Variants in PCCA observed in about 807,000 individuals in gnomAD.
PCCA encodes the protein propionyl-CoA carboxylase subunit alpha, also known as propionyl-CoA carboxylase alpha chain, mitochondrial.
Under a neutral mutation model 101.3 loss-of-function variants are expected in PCCA, and 74 were observed. The ratio of observed to expected loss-of-function variants is 0.73; its 90% CI spans 0.61 to 0.89. The LOEUF is 0.89. Ranked by LOEUF, PCCA falls within the 40% of genes least tolerant of loss-of-function variation. The pLI, the probability that PCCA is intolerant of heterozygous loss-of-function variation, is 0.00. For synonymous variants in PCCA, 294 were observed against 313.6 expected, an observed-to-expected ratio of 0.94 and a Z score of 0.66; for missense variants, 891 against 907.0, an observed-to-expected ratio of 0.98 and a Z score of 0.23.
intron 8 of PCCA, among the ~76,000 whole-genome samples, chr13:100,241,378 A>AG (rs2061124661): frequency 6.6e-6 from 1 of 152,190 alleles, no homozygotes; most frequent in Non-Finnish European, 1.5e-5. Context: ...TTTCTTTCAC[A>AG]CAGAATAGTG....
chr13:100,480,751 C>T (rs1251440706), intron 21 of PCCA, among the ~76,000 whole-genome samples: 2 of 152,218 alleles, frequency 1.3e-5, no homozygotes, highest in African/African-American at 4.8e-5. Context: ...ATCAGAAAGT[C>T]AGGTTTCTGA....
At chr13:100,361,051 C>T (rs1392789385) in intron 18 of PCCA, among the ~76,000 whole-genome samples, 1 of 152,086 alleles carries the variant, frequency 6.6e-6, no homozygotes. Flanking sequence ...GAAAAGGCAG[C>T]ATTCTGTATG....
intron 19 of PCCA, among the ~76,000 whole-genome samples, chr13:100,401,705 G>GT (rs1241539351): frequency 1.3e-5 from 2 of 151,884 alleles, no homozygotes; most frequent in Non-Finnish European, 2.9e-5. Context: ...TACAATTTCT[G>GT]GTAAGTGCTA....
intron 21 of PCCA, among the ~76,000 whole-genome samples, chr13:100,509,076 G>C (rs2152993981): frequency 6.6e-6 from 1 of 152,226 alleles, no homozygotes; most frequent in East Asian, 1.9e-4. Flanking sequence ...CTGGTAACTT[G>C]AACTAGACTT....
chr13:100,359,571 C>G (rs572028463), intron 18 of PCCA, among the ~76,000 whole-genome samples: 1 of 152,252 alleles, frequency 6.6e-6, no homozygotes, highest in Non-Finnish European at 1.5e-5. Flanking sequence ...TTCCACTTAA[C>G]ATAGCATAAA....
chr13:100,352,447 G>A lies in PCCA; in HGVS notation c.1643+12188G>A, dbSNP rs544068053. The stretch of plus-strand genomic sequence containing the variant: ...GGGTCTTGCTCTATCACCCAGTCTG[G>A]AGTGCAGTGGCATCACAGGTCACTG... On this transcript the variant is annotated intron_variant, in intron 18 of 23. Coordinates refer to ENST00000376285, the MANE Select transcript of PCCA (RefSeq NM_000282.4). Among the ~76,000 whole-genome samples the A allele has an allele frequency of 2.0e-5, 3 of 150,116 alleles. No homozygotes were observed. In the South Asian group the frequency reaches 6.3e-4, roughly 31 times the overall value.
intron 16 of PCCA, among the ~76,000 whole-genome samples, chr13:100,313,261 C>G (rs1301224873): frequency 6.6e-6 from 1 of 152,116 alleles, no homozygotes; most frequent in Non-Finnish European, 1.5e-5. Flanking sequence ...AGACCATGTT[C>G]CTGTAACTGG....
At chr13:100,406,008 A>C (rs1022335292) in intron 19 of PCCA, among the ~76,000 whole-genome samples, 1 of 151,448 alleles carries the variant, frequency 6.6e-6, no homozygotes, top group Non-Finnish European at 1.5e-5. Context: ...CTCGTGATCC[A>C]CCCGCCTCGG....
At chr13:100,448,869 C>T (rs2081026510) in intron 20 of PCCA, among the ~76,000 whole-genome samples, 1 of 152,142 alleles carries the variant, frequency 6.6e-6, no homozygotes, top group South Asian at 2.1e-4. Context: ...CAGGGGTGTT[C>T]CACCACCACC....
At chr13:100,345,835 T>C (rs2104868) in intron 18 of PCCA, among the ~76,000 whole-genome samples, 72,510 of 151,952 alleles carry the variant, frequency 0.48, 17,404 homozygotes, top group Middle Eastern at 0.54. Flanking sequence ...ATTTACCATT[T>C]CATAAACCCT....
At chr13:100,120,901 G>A (rs1594203490) in intron 4 of PCCA, among the ~76,000 whole-genome samples, 2 of 152,202 alleles carry the variant, frequency 1.3e-5, no homozygotes, top group East Asian at 3.9e-4. Context: ...GGAGTGTATA[G>A]CTATCTCAAC....
chr13:100,230,630 C>T (rs926043716), intron 7 of PCCA, among the ~76,000 whole-genome samples: 12 of 152,092 alleles, frequency 7.9e-5, no homozygotes, highest in African/African-American at 2.7e-4. Context: ...TTTCCTGTCA[C>T]CCAGACTACT....
At chr13:100,292,444 C>T (rs1174985468) in intron 12 of PCCA, among the ~76,000 whole-genome samples, 1 of 152,164 alleles carries the variant, frequency 6.6e-6, no homozygotes, top group Non-Finnish European at 1.5e-5. Flanking sequence ...GGATTGTCAG[C>T]ATTAAATGAG....
At chr13:100,321,225 C>T (rs1184643594) in intron 16 of PCCA, among the ~76,000 whole-genome samples, 1 of 152,146 alleles carries the variant, frequency 6.6e-6, no homozygotes, top group East Asian at 1.9e-4. Flanking sequence ...TTCAAAAGCA[C>T]TCTAGTTTGT....
intron 21 of PCCA, among the ~76,000 whole-genome samples, chr13:100,511,930 G>A (rs1215509588): frequency 6.6e-6 from 1 of 152,194 alleles, no homozygotes. Flanking sequence ...CTGTGTATCC[G>A]TGAAAGTGGA....
intron 21 of PCCA, among the ~76,000 whole-genome samples, chr13:100,468,962 A>C (rs1369478859): frequency 6.6e-6 from 1 of 152,120 alleles, no homozygotes; most frequent in Admixed American, 6.6e-5. Context: ...CTGTAATCTC[A>C]GCACTTTGGG....
chr13:100,197,187 A>C (rs2058161780), intron 6 of PCCA, among the ~76,000 whole-genome samples: 1 of 151,988 alleles, frequency 6.6e-6, no homozygotes, highest in Non-Finnish European at 1.5e-5. Context: ...TCAGCATTCA[A>C]ATGTTCTCCT....
intron 19 of PCCA, among the ~76,000 whole-genome samples, chr13:100,379,200 A>G (rs1435551502): frequency 6.6e-6 from 1 of 152,100 alleles, no homozygotes; most frequent in African/African-American, 2.4e-5. Flanking sequence ...CTTTGGCTGT[A>G]AACAGTATCG....
intron 18 of PCCA, among the ~76,000 whole-genome samples, chr13:100,356,530 G>A (rs1226108980): frequency 6.6e-6 from 1 of 152,166 alleles, no homozygotes; most frequent in Non-Finnish European, 1.5e-5. Flanking sequence ...ATAGGAAAAT[G>A]TAAGTCATAA....
Sources: allele counts gnomAD v4.1 joint callset (sites outside exome capture counted in the v4.1 genomes callset), GRCh38; gene constraint gnomAD v4.1.1; transcripts MANE v1.5; gene names NCBI Gene and HGNC (gene_info 2026-07-23, HGNC 2026-07-21).